The following MYH14 variants were observed in gnomAD, a reference collection of about 807,000 sequenced individuals.
The protein encoded by MYH14 is myosin heavy chain 14, also known as myosin-14.
In MYH14, 123 loss-of-function variants were observed where a neutral mutation model predicts 255.5. That is an observed-to-expected ratio of 0.48 (90% CI 0.42 to 0.56). The LOEUF is 0.56. Ranked by LOEUF, MYH14 falls within the 20% of genes least tolerant of loss-of-function variation. The pLI is 0.00. For missense variants in MYH14, 2,423 were observed against 2,802.3 expected, an observed-to-expected ratio of 0.86 and a Z score of 3.06; for synonymous variants, 1,095 against 1,161.2, an observed-to-expected ratio of 0.94 and a Z score of 1.16.
chr19:50,285,487 G>T (rs902449145), intron 33 of MYH14: 1 of 152,096 alleles, frequency 6.6e-6, no homozygotes, highest in African/African-American at 2.4e-5. Context: ...TGGTTTTATG[G>T]CTATTTTAAG....
chr19:50,232,559 A>G (rs1292489194), intron 10 of MYH14, among the ~76,000 whole-genome samples: 1 of 143,812 alleles, frequency 7.0e-6, no homozygotes, highest in African/African-American at 2.6e-5. Context: ...GCACCACTGC[A>G]CTGCAGCCTG....
In MYH14 at chr19:50,252,615, C is replaced by A; in HGVS notation, c.1831-24C>A. 6.7e-7 allele frequency: 1 copy of A among 1,482,260 alleles called. No individual in the cohort carries two copies. Among genetic ancestry groups the A allele is most frequent in the Non-Finnish European group, 9.3e-7 (1 of 1,080,122 alleles). 91.8% of individuals were successfully genotyped at this position (1,482,260 alleles called of 1,614,324 possible). ...AATGTCTGAGCCTGCAAGTCATCGC[C>A]CTCCTCTACCTGACTTCATTCAGGT... On this transcript the variant is annotated intron_variant, in intron 15 of 42. Transcript: ENST00000642316. This position sits in a 1 kb window ranked among gnomAD's most constrained non-coding sequence, Gnocchi z 4.2.
rs10426384 is a variant in MYH14, at chr19:50,294,800, A to G, written c.5469+1113A>G. ...TGTAGTAAGACTACTTTTTAAATGG[A>G]GAGAATGGGGAAAATATGCAAAATG... On this transcript the variant is annotated intron_variant, in intron 39 of 42. Coordinates refer to ENST00000642316, the MANE Select transcript of MYH14 (RefSeq NM_001145809.2). Among the ~76,000 whole-genome samples the G allele has an allele frequency of 8.8e-3, 1,334 of 151,944 alleles. 19 individuals carry two copies. Among genetic ancestry groups the G allele is most frequent in the African/African-American group, 0.03 (1,263 of 41,468 alleles).
intron 12 of MYH14, among the ~76,000 whole-genome samples, chr19:50,247,513 T>TA (rs1406745599): frequency 6.6e-6 from 1 of 150,780 alleles, no homozygotes; most frequent in Non-Finnish European, 1.5e-5. Context: ...CTAAAAAAAT[T>TA]AAAAAATTTA....
At chr19:50,303,346 T>C (rs2036555340) in intron 40 of MYH14, among the ~76,000 whole-genome samples, 1 of 152,180 alleles carries the variant, frequency 6.6e-6, no homozygotes. Flanking sequence ...TTGTCTCTGC[T>C]CTATGTGGCC....
intron 10 of MYH14, among the ~76,000 whole-genome samples, chr19:50,238,864 C>T (rs2033775056): frequency 6.6e-6 from 1 of 152,168 alleles, no homozygotes; most frequent in African/African-American, 2.4e-5. Flanking sequence ...TTCATCCTCC[C>T]ACCTCCTCTG....
At position 50,271,911 on chromosome 19, in the gene MYH14, G is replaced by A; in HGVS notation, c.3234G>A (p.Glu1078=). The A allele has an allele frequency of 6.2e-7, 1 of 1,613,008 alleles. No individual in the cohort carries two copies. Among genetic ancestry groups the A allele is most frequent in the Non-Finnish European group, 8.5e-7 (1 of 1,179,626 alleles). The change falls in exon 26 of 43, where the codon GAG becomes GAA. Residue 1078 remains glutamate (E), a synonymous_variant. Transcript: ENST00000642316. ...EFSSQAAEEE[E]KVKSLNKLRL... ...CATCCCAGGCAGCTGAGGAGGAGGAGAAGGTCAAGAGCCTCAATAAGCTAC... is the reference window on the plus strand; with the variant it reads ...CATCCCAGGCAGCTGAGGAGGAGGAAAAGGTCAAGAGCCTCAATAAGCTAC...
chr19:50,228,285 C>CAAA (rs36078426), intron 8 of MYH14, among the ~76,000 whole-genome samples: 1 of 125,950 alleles, frequency 7.9e-6, no homozygotes. Flanking sequence ...GACTCTGTGT[C>CAAA]AAAAAAAAAA....
Position 50,289,532 on chromosome 19 carries a change from G to C in MYH14, c.4849G>C (p.Glu1617Gln). The change falls in exon 35 of 43, where the codon GAG becomes CAG. Residue 1617 changes from glutamate to glutamine, a missense_variant. By Grantham distance (29) the Glu-to-Gln change is conservative. Around this residue, in one of 3 missense-constraint regions of MYH14, gnomAD observed 1,513 missense variants for 1,674.8 expected, o/e 0.90. Coordinates refer to ENST00000642316, the MANE Select transcript of MYH14 (RefSeq NM_001145809.2). ...ACTGGAGGATGAGCTGACAGCGGCCGAGGATGCCAAGCTGCGTCTGGAGGT... is the reference window on the plus strand; with the variant it reads ...ACTGGAGGATGAGCTGACAGCGGCCCAGGATGCCAAGCTGCGTCTGGAGGT... The part of the protein sequence containing the change: ...TELEDELTAA[E>Q]DAKLRLEVTV... 1.2e-6 allele frequency: 2 copies of C among 1,613,062 alleles called. No homozygotes were observed. Among genetic ancestry groups the C allele is most frequent in the Non-Finnish European group, 8.5e-7 (1 of 1,179,610 alleles).
chr19:50,283,044 T>C (rs969485667), intron 33 of MYH14, among the ~76,000 whole-genome samples: 3 of 152,294 alleles, frequency 2.0e-5, no homozygotes, highest in African/African-American at 7.2e-5. Context: ...GAAGCTTTAT[T>C]ATTTTTGGCA....
intron 1 of MYH14, among the ~76,000 whole-genome samples, chr19:50,207,395 G>A (rs1370421833): frequency 3.3e-5 from 5 of 151,942 alleles, no homozygotes; most frequent in African/African-American, 7.2e-5. Context: ...CTTGGACCGC[G>A]TTGGAATTGC....
In MYH14 at chr19:50,260,729, A is replaced by C; in HGVS notation, c.2424+14A>C. On this transcript the variant is annotated intron_variant, in intron 20 of 42. Transcript: ENST00000642316. ...TGTGAAAAGATGGTGAGTGGGGCAG[A>C]GCCTGGAATGCGTGTGTGCGTGTGT... 1 of 1,599,492 alleles carries C rather than the reference A, an allele frequency of 6.3e-7. No individual in the cohort carries two copies. Among genetic ancestry groups the C allele is most frequent in the Non-Finnish European group, 8.5e-7 (1 of 1,173,200 alleles).
chr19:50,292,414 T>A (rs2036109941), intron 37 of MYH14, 25 bp downstream of exon 37: 1 of 1,535,990 alleles, frequency 6.5e-7, no homozygotes, highest in African/African-American at 1.4e-5. Context: ...GGCTGGGCCC[T>A]GGGACAGGAA....
chr19:50,258,736 A>C (rs112513515), intron 18 of MYH14: 6 of 145,280 alleles, frequency 4.1e-5, no homozygotes, highest in South Asian at 4.1e-4. Context: ...AAAAAAAAAA[A>C]AAAAAAAACG....
intron 39 of MYH14, among the ~76,000 whole-genome samples, chr19:50,299,039 TA>T (rs2036383898): frequency 1.3e-5 from 2 of 151,280 alleles, no homozygotes; most frequent in Admixed American, 6.6e-5. Context: ...TGCAGTGAGC[TA>T]TGATTGTGCC....
chr19:50,287,858 G>A (rs929392135), intron 34 of MYH14, among the ~76,000 whole-genome samples: 3 of 151,944 alleles, frequency 2.0e-5, no homozygotes, highest in African/African-American at 4.8e-5. Context: ...CCACTCCCCC[G>A]ACATGACTAG....
At chr19:50,217,349 C>G (rs1174173132) in intron 2 of MYH14, among the ~76,000 whole-genome samples, 4 of 152,188 alleles carry the variant, frequency 2.6e-5, no homozygotes. Flanking sequence ...CAGGCTGTGA[C>G]CCAAGTCTGG....
chr19:50,227,596 G>A (rs2033172085), intron 8 of MYH14, among the ~76,000 whole-genome samples: 1 of 152,156 alleles, frequency 6.6e-6, no homozygotes, highest in Non-Finnish European at 1.5e-5. Context: ...GAACCCTCCC[G>A]AAATCCAGGT....
chr19:50,219,009 T>TAAAAA (rs1457903322), intron 3 of MYH14, among the ~76,000 whole-genome samples: 27 of 98,846 alleles, frequency 2.7e-4, no homozygotes, highest in Non-Finnish European at 5.1e-4. Flanking sequence ...TGTGTATATA[T>TAAAAA]ATATTTTTTA....
Sources: allele counts gnomAD v4.1 joint callset (sites outside exome capture counted in the v4.1 genomes callset), GRCh38; gene constraint gnomAD v4.1.1; regional missense constraint gnomAD v4.1.1; non-coding constraint Gnocchi (gnomAD v3.1); transcripts MANE v1.5; gene names NCBI Gene and HGNC (gene_info 2026-07-23, HGNC 2026-07-21).